Variants in SLCO3A1 observed in about 807,000 individuals in gnomAD.
SLCO3A1 encodes the protein PGE1 transporter.
Under a neutral mutation model 63.1 loss-of-function variants are expected in SLCO3A1, and 27 were observed. The observed-to-expected ratio is 0.43, with a 90% CI of 0.32 to 0.59. The LOEUF is 0.59. Among genes scored for constraint, SLCO3A1 ranks in the 20% least tolerant of loss-of-function variants. SLCO3A1 has a pLI of 0.09. For missense variants in SLCO3A1, 773 were observed against 945.8 expected (o/e 0.82, Z 2.40); for synonymous variants, 473 against 409.9 (o/e 1.15, Z -1.86).
intron 4 of SLCO3A1, among the ~76,000 whole-genome samples, chr15:92,118,828 AC>A (rs1447102888): frequency 7.0e-6 from 1 of 142,300 alleles, no homozygotes; most frequent in Non-Finnish European, 1.5e-5. Flanking sequence ...CATGTCAGAT[AC>A]TCCACACTTT....
intron 3 of SLCO3A1, among the ~76,000 whole-genome samples, chr15:92,096,859 T>A (rs2047544949): frequency 6.6e-6 from 1 of 152,146 alleles, no homozygotes; most frequent in Non-Finnish European, 1.5e-5. Context: ...CGAAGGTGAT[T>A]GAGTGCTGGT....
intron 2 of SLCO3A1, among the ~76,000 whole-genome samples, chr15:91,918,246 G>A (rs1175764102): frequency 6.6e-6 from 1 of 152,230 alleles, no homozygotes; most frequent in Non-Finnish European, 1.5e-5. Context: ...GATCATTTGA[G>A]GCAGAAGGCC....
intron 7 of SLCO3A1, among the ~76,000 whole-genome samples, chr15:92,144,879 T>A (rs1305597328): frequency 6.6e-6 from 1 of 152,082 alleles, no homozygotes; most frequent in African/African-American, 2.4e-5. Flanking sequence ...GGGCTAAAGA[T>A]GATTAAATTT....
Position 92,042,279 on chromosome 15 carries a change from C to A in SLCO3A1, c.647-52602C>A, listed in dbSNP as rs116113534. 2.1e-3 allele frequency among the ~76,000 whole-genome samples: 324 copies of A among 152,322 alleles called. 1 individual carries two copies. The highest frequency in any genetic ancestry group is 7.0e-3 in the African/African-American group (290 of 41,576). ...CAGGCAGAGGCTGTGCAAACCTACT[C>A]AGATCATCTTGCCTAGCGAACTTAA... On this transcript the variant is annotated intron_variant, in intron 2 of 9. Transcript: ENST00000318445.
rs753090672 is a variant in SLCO3A1 at position 92,126,180 on chromosome 15, A to G, written c.1294A>G (p.Thr432Ala). 3 of 1,613,764 alleles carry G rather than the reference A, an allele frequency of 1.9e-6. No individual in the cohort carries two copies. Among genetic ancestry groups the G allele is most frequent in the South Asian group, 2.2e-5 (2 of 91,068 alleles). Residue 432 changes from threonine to alanine, a missense_variant, in exon 6 of 10, where the codon ACT becomes GCT. Around this residue, in one of 3 missense-constraint regions of SLCO3A1, gnomAD observed 565 missense variants for 749.8 expected, o/e 0.75. Transcript: ENST00000318445. ...RMAMLVNLVSTACYVSFLFLG... is the reference protein window; with the variant it reads ...RMAMLVNLVSAACYVSFLFLG... ...GGCCATGCTCGTCAACCTGGTGTCC[A>G]CTGCTTGCTACGTCTCCTTCCTCTT...
Position 92,140,312 on chromosome 15 carries a change from T to C in SLCO3A1, c.1513-6672T>C, listed in dbSNP as rs1297274097. On this transcript the variant is annotated intron_variant, in intron 7 of 9. Transcript: ENST00000318445. The stretch of plus-strand genomic sequence containing the variant: ...TTTGAGTGAGATTCTTAATCCTGAG[T>C]TCTAGTTTGATTGCACTGTGGTCTG... Among the ~76,000 whole-genome samples, 97 of 139,548 alleles carry C rather than the reference T, an allele frequency of 7.0e-4. 1 individual carries two copies. Among genetic ancestry groups the C allele is most frequent in the African/African-American group, 2.3e-3 (84 of 35,946 alleles). The allele number at this position is 139,548 out of a possible 152,430, so 91.5% of individuals were successfully genotyped here. A position where few individuals can be genotyped will look rare whatever the true frequency, so the allele number is the denominator to read the frequency against.
intron 5 of SLCO3A1, among the ~76,000 whole-genome samples, chr15:92,121,978 G>A (rs1382765323): frequency 2.6e-5 from 4 of 152,216 alleles, no homozygotes; most frequent in Admixed American, 1.3e-4. Flanking sequence ...CCACGAGAGG[G>A]AAGGAGTAGA....
chr15:91,892,554 G>A (rs1232962350), intron 1 of SLCO3A1, among the ~76,000 whole-genome samples: 1 of 152,178 alleles, frequency 6.6e-6, no homozygotes, highest in Non-Finnish European at 1.5e-5. Flanking sequence ...TGAGTAGGAG[G>A]TAAGAACAGC....
At position 91,942,082 on chromosome 15, in the gene SLCO3A1, C is replaced by T. The variant is rs1329468701; in HGVS notation, c.646+25624C>T. On this transcript the variant is annotated intron_variant, in intron 2 of 9. Coordinates refer to ENST00000318445, the MANE Select transcript of SLCO3A1 (RefSeq NM_013272.4). This position sits in a 1 kb window ranked among gnomAD's most constrained non-coding sequence, Gnocchi z 4.1. Reference sequence around the variant, plus strand: ...TTGTTCTTTATTCTAGACAATGCCACCACCTACTGTTTTGCTGTTTAAATG... The same window carrying T: ...TTGTTCTTTATTCTAGACAATGCCATCACCTACTGTTTTGCTGTTTAAATG... Among the ~76,000 whole-genome samples, 1 of 152,048 alleles carries T rather than the reference C, an allele frequency of 6.6e-6. No individual in the cohort carries two copies. The highest frequency in any genetic ancestry group is 1.5e-5 in the Non-Finnish European group (1 of 68,040).
chr15:92,160,497 G>A lies in SLCO3A1; in HGVS notation c.1754-2259G>A, dbSNP rs148170491. Among the ~76,000 whole-genome samples, 607 of 152,176 alleles carry A rather than the reference G, an allele frequency of 4.0e-3. 7 individuals are homozygous for A. Among genetic ancestry groups the A allele is most frequent in the African/African-American group, 0.014 (585 of 41,508 alleles). On this transcript the variant is annotated intron_variant, in intron 9 of 9. Coordinates refer to ENST00000318445, the MANE Select transcript of SLCO3A1 (RefSeq NM_013272.4). ...ATCACAGGGAATGCTACGAATATGC[G>A]CTTCCATTCGGCAGGACCACAGCCC... is the stretch of plus-strand genomic sequence containing the variant.
intron 2 of SLCO3A1, among the ~76,000 whole-genome samples, chr15:92,086,008 A>G (rs950099314): frequency 6.6e-6 from 1 of 152,168 alleles, no homozygotes; most frequent in Admixed American, 6.5e-5. Context: ...GGGAGATCAC[A>G]GTATGTTTTT....
chr15:92,132,464 G>A (rs2048007966), intron 7 of SLCO3A1, among the ~76,000 whole-genome samples: 1 of 144,970 alleles, frequency 6.9e-6, no homozygotes, highest in Non-Finnish European at 1.5e-5. Context: ...AAAAAATTGA[G>A]TTAATTCTGT....
At chr15:92,058,113 G>A (rs1332370878) in intron 2 of SLCO3A1, among the ~76,000 whole-genome samples, 1 of 152,250 alleles carries the variant, frequency 6.6e-6, no homozygotes, top group East Asian at 1.9e-4. Flanking sequence ...TTGATTAAAT[G>A]CAGCCATCTT....
At chr15:92,060,455 G>A (rs2047073325) in intron 2 of SLCO3A1, among the ~76,000 whole-genome samples, 1 of 151,452 alleles carries the variant, frequency 6.6e-6, no homozygotes, top group Non-Finnish European at 1.5e-5. Flanking sequence ...AGCTACTCGG[G>A]AGGCTGAGGC....
chr15:91,877,689 A>C (rs1897434328), intron 1 of SLCO3A1, among the ~76,000 whole-genome samples: 1 of 152,182 alleles, frequency 6.6e-6, no homozygotes, highest in Non-Finnish European at 1.5e-5. Context: ...TGGAAGGTCC[A>C]GTCAGGTAAG....
intron 4 of SLCO3A1, 90 bp downstream of exon 4, chr15:92,104,632 G>C (rs2151546086): frequency 7.4e-7 from 1 of 1,354,554 alleles, no homozygotes; most frequent in Non-Finnish European, 9.9e-7. Context: ...GGACTGGGGT[G>C]CTTGGGGACT....
intron 2 of SLCO3A1, among the ~76,000 whole-genome samples, chr15:92,017,494 G>A (rs144786291): frequency 1.4e-4 from 22 of 152,210 alleles, no homozygotes; most frequent in Admixed American, 2.6e-4. Flanking sequence ...ACACGATGGC[G>A]CTCCCCTTCT....
At chr15:92,034,607 G>A (rs1233159082) in intron 2 of SLCO3A1, among the ~76,000 whole-genome samples, 1 of 151,796 alleles carries the variant, frequency 6.6e-6, no homozygotes, top group Non-Finnish European at 1.5e-5. Flanking sequence ...GGGTGGGCAG[G>A]ACCAGGTGGA....
chr15:91,904,619 C>A (rs1399249973), intron 1 of SLCO3A1, among the ~76,000 whole-genome samples: 1 of 152,164 alleles, frequency 6.6e-6, no homozygotes, highest in Non-Finnish European at 1.5e-5. Context: ...ACACACAGGT[C>A]AATCAGAGCA....
Sources: gnomAD v4.1 joint callset for allele counts (sites outside exome capture counted in the v4.1 genomes callset) on GRCh38, gnomAD v4.1.1 for gene constraint, gnomAD v4.1.1 regional missense constraint, Gnocchi (gnomAD v3.1) non-coding constraint, MANE v1.5 for transcripts, NCBI Gene and HGNC (gene_info 2026-07-23, HGNC 2026-07-21) for gene names.